Variants in ANAPC10 observed in about 807,000 individuals in gnomAD.
ANAPC10 encodes anaphase promoting complex subunit 10, also known as anaphase-promoting complex subunit 10.
ANAPC10 carries 12 observed loss-of-function variants against 22.0 expected under a neutral mutation model. That is an observed-to-expected ratio of 0.55 (90% CI 0.35 to 0.88). The LOEUF (loss-of-function observed/expected upper bound fraction) is 0.88, where lower values mean the gene tolerates loss of function less well. ANAPC10 is among the 40% of genes least tolerant of loss of function. The pLI is 0.01. For missense variants in ANAPC10, 188 were observed against 220.9 expected, an observed-to-expected ratio of 0.85 and a Z score of 0.94; for synonymous variants, 65 against 69.5, an observed-to-expected ratio of 0.94 and a Z score of 0.32.
chr4:145,035,333 G>C (rs1738351820), intron 4 of ANAPC10: 1 of 152,216 alleles, frequency 6.6e-6, no homozygotes, highest in Non-Finnish European at 1.5e-5. Context: ...TATACGAGTA[G>C]CTGTGCTTCC....
At chr4:145,014,726 T>C (rs7662396) in intron 4 of ANAPC10, among the ~76,000 whole-genome samples, 1,763 of 152,260 alleles carry the variant, frequency 0.012, 47 homozygotes, top group African/African-American at 0.039. Flanking sequence ...CTGGTATCCA[T>C]GGCTGAGAGA....
intron 4 of ANAPC10, among the ~76,000 whole-genome samples, chr4:145,024,841 T>C (rs767920273): frequency 4.1e-4 from 62 of 152,310 alleles, no homozygotes; most frequent in Non-Finnish European, 7.2e-4. Flanking sequence ...GGCATTGACT[T>C]CTCCTCTCTA....
intron 2 of ANAPC10, among the ~76,000 whole-genome samples, chr4:145,089,314 A>C (rs1747332327): frequency 1.3e-5 from 2 of 152,212 alleles, no homozygotes; most frequent in Admixed American, 6.5e-5. Flanking sequence ...TCTTCAAAAA[A>C]AAACAGGGAA....
intron 3 of ANAPC10, among the ~76,000 whole-genome samples, chr4:145,067,876 G>T (rs1253828044): frequency 6.6e-6 from 1 of 152,120 alleles, no homozygotes; most frequent in Non-Finnish European, 1.5e-5. Context: ...CTAAGTTATG[G>T]CCAGTAAGAT....
chr4:145,016,417 T>C (rs112460841), intron 4 of ANAPC10, among the ~76,000 whole-genome samples: 1 of 152,146 alleles, frequency 6.6e-6, no homozygotes, highest in African/African-American at 2.4e-5. Flanking sequence ...TTACAAGGGA[T>C]GTGAAGGACC....
intron 3 of ANAPC10, among the ~76,000 whole-genome samples, chr4:145,077,048 A>C (rs969166825): frequency 1.1e-4 from 16 of 152,066 alleles, no homozygotes; most frequent in African/African-American, 3.9e-4. Context: ...AAATACAAAA[A>C]ATTAGGTGGG....
intron 4 of ANAPC10, among the ~76,000 whole-genome samples, chr4:145,032,304 T>C (rs879317935): frequency 4.6e-5 from 7 of 152,190 alleles, no homozygotes; most frequent in African/African-American, 1.2e-4. Flanking sequence ...GCACTTTGCA[T>C]GGAAGGAGAA....
chr4:145,007,218 T>A (rs1204985958), intron 4 of ANAPC10, among the ~76,000 whole-genome samples: 3 of 152,068 alleles, frequency 2.0e-5, no homozygotes, highest in Non-Finnish European at 4.4e-5. Context: ...ACTGTCAATA[T>A]TAGACACATC....
chr4:145,033,232 C>G (rs1416812556), intron 4 of ANAPC10: 1 of 152,256 alleles, frequency 6.6e-6, no homozygotes, highest in Non-Finnish European at 1.5e-5. Context: ...ATTCACAGTT[C>G]CAGGAATCAA....
At chr4:145,084,469 G>T (rs1409922810) in intron 2 of ANAPC10, among the ~76,000 whole-genome samples, 1 of 152,104 alleles carries the variant, frequency 6.6e-6, no homozygotes, top group Non-Finnish European at 1.5e-5. Flanking sequence ...AAAGGAGCCA[G>T]ATCACACAGA....
chr4:145,037,258 T>C (rs1303671061), intron 4 of ANAPC10, among the ~76,000 whole-genome samples: 2 of 152,282 alleles, frequency 1.3e-5, no homozygotes, highest in East Asian at 3.9e-4. Context: ...AACAGAATTG[T>C]ATGTATGGCA....
At chr4:145,051,887 C>T (rs148948325) in intron 4 of ANAPC10, among the ~76,000 whole-genome samples, 260 of 152,186 alleles carry the variant, frequency 1.7e-3, no homozygotes, top group African/African-American at 6.0e-3. Flanking sequence ...ATTAAATAAT[C>T]GCAGAGTACC....
intron 4 of ANAPC10, among the ~76,000 whole-genome samples, chr4:145,033,566 G>A (rs1195693299): frequency 2.6e-5 from 4 of 152,196 alleles, no homozygotes; most frequent in South Asian, 2.1e-4. Context: ...ATGGAATACA[G>A]GAGATCCATT....
intron 4 of ANAPC10, among the ~76,000 whole-genome samples, chr4:145,009,227 G>A (rs1422313308): frequency 1.3e-5 from 2 of 152,082 alleles, no homozygotes; most frequent in African/African-American, 4.8e-5. Context: ...TGGATAGGAA[G>A]AATCAATATC....
At chr4:145,058,929 A>T (rs1742472001) in intron 4 of ANAPC10, among the ~76,000 whole-genome samples, 2 of 152,282 alleles carry the variant, frequency 1.3e-5, no homozygotes, top group Non-Finnish European at 2.9e-5. Flanking sequence ...TATCACACCA[A>T]AACATTCTAC....
At chr4:145,035,682 G>A (rs1184430275) in intron 4 of ANAPC10, among the ~76,000 whole-genome samples, 1 of 152,176 alleles carries the variant, frequency 6.6e-6, no homozygotes, top group Non-Finnish European at 1.5e-5. Context: ...TGTGCTCATA[G>A]GTTCCAGATT....
chr4:145,012,402 C>T (rs573774840), intron 4 of ANAPC10, among the ~76,000 whole-genome samples: 3 of 151,686 alleles, frequency 2.0e-5, no homozygotes, highest in Non-Finnish European at 4.4e-5. Flanking sequence ...CTATGATTAA[C>T]ATGCTTAAGA....
intron 4 of ANAPC10, among the ~76,000 whole-genome samples, chr4:145,009,438 A>G (rs528111262): frequency 1.4e-5 from 2 of 148,102 alleles, no homozygotes; most frequent in African/African-American, 4.9e-5. Context: ...AAATATACTA[A>G]AACCAAAACA....
intron 4 of ANAPC10, among the ~76,000 whole-genome samples, chr4:145,046,271 A>G (rs948045002): frequency 6.6e-6 from 1 of 152,256 alleles, no homozygotes; most frequent in African/African-American, 2.4e-5. Flanking sequence ...TAAAATGCCC[A>G]TTTATACTCC....
Sources: gnomAD v4.1 joint callset for allele counts (sites outside exome capture counted in the v4.1 genomes callset) on GRCh38, gnomAD v4.1.1 for gene constraint, MANE v1.5 for transcripts, NCBI Gene and HGNC (gene_info 2026-07-23, HGNC 2026-07-21) for gene names.